STK33: variants seen among roughly 807,000 people sequenced by gnomAD.
STK33 encodes serine/threonine kinase 33.
A neutral mutation model predicts 58.0 loss-of-function variants in STK33; 52 were observed. That is an observed-to-expected ratio of 0.90 (90% CI 0.72 to 1.13). The LOEUF (loss-of-function observed/expected upper bound fraction) is 1.13. Among genes scored for constraint, STK33 ranks in the 50% most tolerant of loss-of-function variants. STK33 has a pLI of 0.00. For synonymous variants in STK33, 215 were observed against 200.1 expected, an observed-to-expected ratio of 1.07 and a Z score of -0.63; for missense variants, 630 against 604.2, an observed-to-expected ratio of 1.04 and a Z score of -0.45.
the STK33 span, among the ~76,000 whole-genome samples, chr11:8,380,985 G>T: frequency 1.3e-5 from 2 of 152,184 alleles, no homozygotes; most frequent in African/African-American, 2.4e-5. Flanking sequence ...GGAGCTGGAG[G>T]CCACTATTCC....
intron 14 of STK33, among the ~76,000 whole-genome samples, chr11:8,429,018 C>G (rs1356288160): frequency 6.6e-6 from 1 of 151,682 alleles, no homozygotes; most frequent in Non-Finnish European, 1.5e-5. Flanking sequence ...TTAATAAAAT[C>G]CATTCAAGCA....
At chr11:8,479,302 A>G (rs993650992) in intron 2 of STK33, among the ~76,000 whole-genome samples, 2 of 151,930 alleles carry the variant, frequency 1.3e-5, no homozygotes, top group African/African-American at 4.8e-5. Flanking sequence ...GTGTGGTGGC[A>G]TGCACCTGTA....
intron 1 of STK33, among the ~76,000 whole-genome samples, chr11:8,556,213 G>T (rs552002614): frequency 6.6e-6 from 1 of 152,278 alleles, no homozygotes; most frequent in African/African-American, 2.4e-5. Flanking sequence ...ATTTTATCGG[G>T]TAATTGGGGA....
chr11:8,373,402 C>A, the STK33 span, among the ~76,000 whole-genome samples: 5 of 152,160 alleles, frequency 3.3e-5, no homozygotes, highest in Admixed American at 6.5e-5. Context: ...TGATAGGACA[C>A]GTCAGCCTCT....
intron 1 of STK33, among the ~76,000 whole-genome samples, chr11:8,530,790 A>C (rs1476116454): frequency 2.0e-5 from 3 of 152,154 alleles, no homozygotes; most frequent in Non-Finnish European, 4.4e-5. Flanking sequence ...CCCAGGTTCA[A>C]GCAATTCTCG....
At chr11:8,511,274 T>TG (rs1952299701) in intron 1 of STK33, among the ~76,000 whole-genome samples, 1 of 152,176 alleles carries the variant, frequency 6.6e-6, no homozygotes, top group South Asian at 2.1e-4. Flanking sequence ...ACTGAGTTCT[T>TG]GATTTCTTAG....
chr11:8,511,353 C>T (rs1952306113), intron 1 of STK33, among the ~76,000 whole-genome samples: 1 of 152,164 alleles, frequency 6.6e-6, no homozygotes, highest in South Asian at 2.1e-4. Context: ...TGAGACTTTA[C>T]TGGATTCACT....
intron 11 of STK33, among the ~76,000 whole-genome samples, chr11:8,448,144 A>C (rs1283718560): frequency 6.6e-6 from 1 of 152,200 alleles, no homozygotes; most frequent in East Asian, 1.9e-4. Context: ...GGATACAACA[A>C]ATGGAAGAAC....
chr11:8,338,344 C>T, the STK33 span, among the ~76,000 whole-genome samples: 4 of 152,164 alleles, frequency 2.6e-5, no homozygotes, highest in African/African-American at 7.2e-5. Flanking sequence ...TTCCCCGGGC[C>T]GGAGGTTTGG....
At chr11:8,505,420 C>T (rs1951798591) in intron 1 of STK33, among the ~76,000 whole-genome samples, 1 of 152,166 alleles carries the variant, frequency 6.6e-6, no homozygotes, top group African/African-American at 2.4e-5. Flanking sequence ...AATTTAGTTT[C>T]TCTCCTCTCT....
chr11:8,591,282 C>T (rs1382559957), intron 1 of STK33, among the ~76,000 whole-genome samples: 1 of 152,188 alleles, frequency 6.6e-6, no homozygotes, highest in Non-Finnish European at 1.5e-5. Flanking sequence ...GGACATCACA[C>T]TACTCAGCTT....
chr11:8,549,855 T>G (rs1340944541), intron 1 of STK33, among the ~76,000 whole-genome samples: 1 of 152,192 alleles, frequency 6.6e-6, no homozygotes, highest in Non-Finnish European at 1.5e-5. Flanking sequence ...TTTATTTGGG[T>G]CTTCTCTCTT....
chr11:8,519,324 T>C lies in STK33; in HGVS notation c.-465-38710A>G, dbSNP rs188258675. Among the ~76,000 whole-genome samples, 39 of 152,276 alleles carry C rather than the reference T, an allele frequency of 2.6e-4. No individual in the cohort carries two copies. The East Asian group carries it at 7.5e-3, about 29-fold the overall frequency. On this transcript the variant is annotated intron_variant, in intron 1 of 15. Transcript: ENST00000687296. ...CAAAGACACAACACACCAGAATCTC[T>C]GGGACACATTTAAAGCAGTGTATAG...
the STK33 span, among the ~76,000 whole-genome samples, chr11:8,342,206 T>C: frequency 1.2e-4 from 19 of 152,312 alleles, no homozygotes; most frequent in African/African-American, 4.3e-4. Context: ...CAGCTAAAAC[T>C]CTGGGGGTCA....
At chr11:8,379,047 G>C in the STK33 span, among the ~76,000 whole-genome samples, 1 of 152,142 alleles carries the variant, frequency 6.6e-6, no homozygotes, top group African/African-American at 2.4e-5. Context: ...TTGGGGAAAG[G>C]AGACCCTATC....
At chr11:8,547,272 T>C (rs763397775) in intron 1 of STK33, among the ~76,000 whole-genome samples, 9 of 152,246 alleles carry the variant, frequency 5.9e-5, no homozygotes, top group Non-Finnish European at 8.8e-5. Context: ...TGGAGTGCAA[T>C]GGTGCAATCT....
rs377214315 is a variant in STK33, at chr11:8,532,461, A to G, written c.-465-51847T>C. On this transcript the variant is annotated intron_variant, in intron 1 of 15. Transcript: ENST00000687296. ...ACTTGCCATCTGGCCCTTTGCCCAA[A>G]AAGTTTACCGTGCCCTGTCTAAACC... 3.9e-3 allele frequency among the ~76,000 whole-genome samples: 593 copies of G among 152,324 alleles called. 2 individuals carry two copies. The highest frequency in any genetic ancestry group is 0.013 in the African/African-American group (549 of 41,566).
intron 1 of STK33, among the ~76,000 whole-genome samples, chr11:8,537,808 T>G (rs1212448727): frequency 2.2e-5 from 2 of 91,342 alleles, no homozygotes; most frequent in Non-Finnish European, 4.3e-5. Flanking sequence ...AGACTCTGTT[T>G]CAAAAAAAAA....
At chr11:8,512,299 C>T (rs2139493805) in intron 1 of STK33, among the ~76,000 whole-genome samples, 1 of 150,602 alleles carries the variant, frequency 6.6e-6, no homozygotes, top group Non-Finnish European at 1.5e-5. Context: ...TATAAGATCT[C>T]GTTCTTGGTC....
Sources: allele counts gnomAD v4.1 joint callset (sites outside exome capture counted in the v4.1 genomes callset), GRCh38; gene constraint gnomAD v4.1.1; transcripts MANE v1.5; gene names NCBI Gene and HGNC (gene_info 2026-07-23, HGNC 2026-07-21).